Variants in CDKAL1 observed in about 807,000 individuals in gnomAD.
CDKAL1 encodes CDKAL1 threonylcarbamoyladenosine tRNA methylthiotransferase.
In CDKAL1, 32 loss-of-function variants were observed where a neutral mutation model predicts 68.2. The observed-to-expected ratio is 0.47, with a 90% CI of 0.35 to 0.63. CDKAL1 has a LOEUF of 0.63. CDKAL1 is among the 30% of genes least tolerant of loss of function. The pLI, the probability that CDKAL1 is intolerant of heterozygous loss-of-function variation, is 0.00. For missense variants in CDKAL1, 606 were observed against 696.7 expected, an observed-to-expected ratio of 0.87 and a Z score of 1.47; for synonymous variants, 234 against 244.3, an observed-to-expected ratio of 0.96 and a Z score of 0.39.
Position 20,832,124 on chromosome 6 carries a change from C to T in CDKAL1, c.639-13951C>T, listed in dbSNP as rs181680626. Among the ~76,000 whole-genome samples, 15 of 152,264 alleles carry T rather than the reference C, an allele frequency of 9.9e-5. No individual in the cohort carries two copies. In the East Asian group the frequency reaches 2.3e-3, roughly 24 times the overall value. ...ATTTTGAACTCAAATAAGAAGATTTCTCAAATTTACTTTATGTCTAACATC... is the reference window on the plus strand; with the variant it reads ...ATTTTGAACTCAAATAAGAAGATTTTTCAAATTTACTTTATGTCTAACATC... On this transcript the variant is annotated intron_variant, in intron 8 of 15. Coordinates refer to ENST00000274695, the MANE Select transcript of CDKAL1 (RefSeq NM_017774.3).
At chr6:20,861,347 A>G (rs1479751763) in intron 9 of CDKAL1, among the ~76,000 whole-genome samples, 11 of 152,208 alleles carry the variant, frequency 7.2e-5, no homozygotes, top group Admixed American at 6.5e-4. Context: ...GGGTTCTGTT[A>G]TTTGCCACTT....
intron 4 of CDKAL1, among the ~76,000 whole-genome samples, chr6:20,552,010 T>A (rs920092461): frequency 4.7e-5 from 7 of 149,232 alleles, no homozygotes; most frequent in Non-Finnish European, 8.9e-5. Flanking sequence ...ACTACAGTTG[T>A]GTGCCTGGCT....
At chr6:20,904,137 T>C (rs1762130552) in intron 9 of CDKAL1, among the ~76,000 whole-genome samples, 1 of 152,168 alleles carries the variant, frequency 6.6e-6, no homozygotes, top group South Asian at 2.1e-4. Context: ...CTGCTTTTGA[T>C]CAAGAGCTGC....
At chr6:20,890,804 A>G (rs1761352984) in intron 9 of CDKAL1, among the ~76,000 whole-genome samples, 1 of 152,230 alleles carries the variant, frequency 6.6e-6, no homozygotes, top group Admixed American at 6.5e-5. Context: ...AAGGCATCAG[A>G]CAAGAAGTAA....
In CDKAL1 at chr6:21,200,972, GT is replaced by G. The variant is rs969771514; in HGVS notation, c.1384-137del. On this transcript the variant is annotated intron_variant, in intron 14 of 15. Transcript: ENST00000274695. ...AAAAGTGCTATACTAATGTAAGACG[GT>G]AAATAATAAGAAAACTGGGAGTTAG... 7.0e-5 allele frequency: 47 copies of G among 674,550 alleles called. No homozygotes were observed. The African/African-American group carries it at 7.6e-4, about 11-fold the overall frequency. The allele number at this position is 674,550 out of a possible 1,614,324, so 41.8% of individuals were successfully genotyped here. A position where few individuals can be genotyped will look rare whatever the true frequency, so the allele number is the denominator to read the frequency against.
intron 5 of CDKAL1, among the ~76,000 whole-genome samples, chr6:20,679,493 T>C (rs1304232380): frequency 6.6e-6 from 1 of 152,226 alleles, no homozygotes; most frequent in Non-Finnish European, 1.5e-5. Context: ...TACAGTTATG[T>C]AGCAATGAGC....
intron 13 of CDKAL1, among the ~76,000 whole-genome samples, chr6:21,114,247 CAAAAA>C (rs55859447): frequency 7.9e-4 from 80 of 101,680 alleles, no homozygotes; most frequent in East Asian, 1.1e-3. Flanking sequence ...GACTCTGTCT[CAAAAA>C]AAAAAAAAAA....
intron 12 of CDKAL1, among the ~76,000 whole-genome samples, chr6:21,099,156 C>T (rs538549743): frequency 6.6e-6 from 1 of 152,252 alleles, no homozygotes; most frequent in Admixed American, 6.5e-5. Context: ...TTATTTAAAT[C>T]CCCAGGTGAT....
At position 20,649,257 on chromosome 6, in the gene CDKAL1, CTACT is replaced by C. The variant is rs761925236; in HGVS notation, c.287-30_287-27del. The C allele has an allele frequency of 2.9e-6, 4 of 1,368,078 alleles. No homozygotes were observed. In the South Asian group the frequency reaches 3.6e-5, roughly 12 times the overall value. 84.7% of individuals were successfully genotyped at this position (1,368,078 alleles called of 1,614,324 possible). A position where few individuals can be genotyped will look rare whatever the true frequency, so the allele number is the denominator to read the frequency against. On this transcript the variant is annotated intron_variant, in intron 4 of 15. Transcript: ENST00000274695. ...GGATATTTTTGAATGATTAAGTGTG[CTACT>C]TACTTCTTTTTTGTGTTCATTTTTT...
intron 10 of CDKAL1, among the ~76,000 whole-genome samples, chr6:20,981,651 C>A (rs1766154362): frequency 6.6e-6 from 1 of 152,156 alleles, no homozygotes; most frequent in African/African-American, 2.4e-5. Flanking sequence ...ACCAGCCTGG[C>A]CAACATGGTG....
chr6:20,658,043 CA>C (rs1562003369), intron 5 of CDKAL1, among the ~76,000 whole-genome samples: 1 of 152,048 alleles, frequency 6.6e-6, no homozygotes, highest in Non-Finnish European at 1.5e-5. Context: ...TCAAAAGTTT[CA>C]AAAAATAAAA....
chr6:20,811,620 G>C (rs569206234), intron 8 of CDKAL1, among the ~76,000 whole-genome samples: 1 of 152,226 alleles, frequency 6.6e-6, no homozygotes, highest in African/African-American at 2.4e-5. Context: ...CACTTGACCA[G>C]AATTCAGCAT....
chr6:21,070,549 G>T (rs1390561283), intron 12 of CDKAL1, among the ~76,000 whole-genome samples: 1 of 151,432 alleles, frequency 6.6e-6, no homozygotes, highest in Non-Finnish European at 1.5e-5. Context: ...ACTTTTCTTT[G>T]TATTTATCCT....
intron 9 of CDKAL1, 122 bp downstream of exon 9, chr6:20,846,300 G>T: frequency 6.8e-6 from 4 of 589,156 alleles, no homozygotes; most frequent in South Asian, 2.2e-5. Context: ...ACAAATATAC[G>T]AACTTAATTA....
intron 6 of CDKAL1, among the ~76,000 whole-genome samples, chr6:20,740,098 C>T (rs1773380898): frequency 6.6e-6 from 1 of 152,208 alleles, no homozygotes; most frequent in Non-Finnish European, 1.5e-5. Flanking sequence ...TCTCTAGTTT[C>T]TCTTTGCTTA....
chr6:20,579,287 T>C (rs906550732), intron 4 of CDKAL1, among the ~76,000 whole-genome samples: 5 of 152,138 alleles, frequency 3.3e-5, no homozygotes, highest in Non-Finnish European at 7.4e-5. Context: ...CAAAGTTGCC[T>C]TTCTTCATAG....
Position 21,231,005 on chromosome 6 carries a change from T to G in CDKAL1, c.1706T>G (p.Leu569Arg). ...RMSVGLALLGLLFAFFVKVYN is the reference protein window; with the variant it reads ...RMSVGLALLGRLFAFFVKVYN ...TCCGTGGGCTTGGCTCTGCTGGGTC[T>G]TCTTTTTGCTTTTTTTGTCAAGGTC... is the stretch of plus-strand genomic sequence containing the variant. The change falls in exon 16 of 16, where the codon CTT becomes CGT. Residue 569 changes from leucine to arginine, a missense_variant. Leu to Arg is a moderately radical substitution (Grantham distance 102). Transcript: ENST00000274695. The G allele has an allele frequency of 6.2e-7, 1 of 1,608,718 alleles. No individual in the cohort carries two copies. Among genetic ancestry groups the G allele is most frequent in the African/African-American group, 1.3e-5 (1 of 74,894 alleles).
intron 13 of CDKAL1, among the ~76,000 whole-genome samples, chr6:21,159,033 T>A (rs1776777702): frequency 6.6e-6 from 1 of 152,048 alleles, no homozygotes; most frequent in Admixed American, 6.5e-5. Context: ...GTCAACATAG[T>A]TAATAATCTG....
chr6:21,046,517 C>A (rs753201083), intron 11 of CDKAL1, among the ~76,000 whole-genome samples: 1 of 152,224 alleles, frequency 6.6e-6, no homozygotes, highest in Non-Finnish European at 1.5e-5. Context: ...TGAAGCCTGT[C>A]CCAGGCAGTG....
Sources: gnomAD v4.1 joint callset for allele counts (sites outside exome capture counted in the v4.1 genomes callset) on GRCh38, gnomAD v4.1.1 for gene constraint, MANE v1.5 for transcripts, NCBI Gene and HGNC (gene_info 2026-07-23, HGNC 2026-07-21) for gene names.